LRBA: variants seen among roughly 807,000 people sequenced by gnomAD.
LRBA encodes the protein LPS responsive beige-like anchor protein.
Under a neutral mutation model 330.0 loss-of-function variants are expected in LRBA, and 176 were observed. The observed-to-expected ratio is 0.53, with a 90% CI of 0.47 to 0.60. LRBA has a LOEUF of 0.60. LRBA is among the 20% of genes least tolerant of loss of function. The pLI, the probability that LRBA is intolerant of heterozygous loss-of-function variation, is 0.00. For synonymous variants in LRBA, 1,230 were observed against 1,193.0 expected (o/e 1.03, Z -0.64); for missense variants, 3,259 against 3,444.8 (o/e 0.95, Z 1.35).
chr4:150,427,565 G>T (rs1749803853), intron 46 of LRBA, among the ~76,000 whole-genome samples: 1 of 151,888 alleles, frequency 6.6e-6, no homozygotes, highest in African/African-American at 2.4e-5. Context: ...AAGAAGAGAG[G>T]CTGGCAAAAA....
rs556319045 is a variant in LRBA, at chr4:150,479,931, T to A, written c.6551+7801A>T. ...TAGCTACTACTAACATCCTAGCTGA[T>A]GTTTGTGCATTCTATCGCAATTGCA... On this transcript the variant is annotated intron_variant, in intron 42 of 56. Coordinates refer to ENST00000651943, the MANE Select transcript of LRBA (RefSeq NM_001364905.1). Among the ~76,000 whole-genome samples the A allele has an allele frequency of 1.3e-5, 2 of 152,216 alleles. 1 individual carries two copies. The highest frequency in any genetic ancestry group is 4.1e-4 in the South Asian group (2 of 4,824).
At chr4:150,525,427 T>A (rs970506261) in intron 40 of LRBA, among the ~76,000 whole-genome samples, 3 of 152,150 alleles carry the variant, frequency 2.0e-5, no homozygotes, top group Admixed American at 2.0e-4. Context: ...AGCAAATAAT[T>A]CAGCCTCAGT....
At chr4:150,316,547 T>G (rs1731742622) in intron 50 of LRBA, among the ~76,000 whole-genome samples, 1 of 152,158 alleles carries the variant, frequency 6.6e-6, no homozygotes, top group Non-Finnish European at 1.5e-5. Flanking sequence ...TTCTGGGCCC[T>G]TTTCCAAACT....
chr4:150,595,283 C>T (rs749696614), intron 38 of LRBA, among the ~76,000 whole-genome samples: 4 of 151,748 alleles, frequency 2.6e-5, no homozygotes, highest in Non-Finnish European at 5.9e-5. Context: ...AGGTGCATCT[C>T]GTAATAATCA....
At position 150,599,112 on chromosome 4, in the gene LRBA, G is replaced by T. The variant is rs148699393; in HGVS notation, c.5941C>A (p.Arg1981Ser). 5.0e-6 allele frequency: 8 copies of T among 1,613,882 alleles called. No individual in the cohort carries two copies. Among genetic ancestry groups the T allele is most frequent in the Non-Finnish European group, 6.8e-6 (8 of 1,179,946 alleles). The change falls in exon 38 of 57, where the codon CGC becomes AGC. Residue 1981 changes from arginine to serine, a missense_variant. Physicochemically the swap from Arg to Ser is moderately radical, Grantham distance 110. Transcript: ENST00000651943. Reference protein sequence around the residue: ...SAVSRPLEFWRLDYWEDDLRR... With the variant: ...SAVSRPLEFWSLDYWEDDLRR... ...AAGTCATCTTCCCAGTAGTCAAGGC[G>T]CCAGAACTCAAGAGGACGACTACAA...
chr4:150,975,544 A>G (rs1057234006), intron 2 of LRBA, among the ~76,000 whole-genome samples: 6 of 151,726 alleles, frequency 4.0e-5, no homozygotes, highest in African/African-American at 7.2e-5. Context: ...AAAAAAAAAA[A>G]AAAGAAAGAA....
intron 33 of LRBA, among the ~76,000 whole-genome samples, chr4:150,801,401 A>T (rs1449834715): frequency 6.6e-6 from 1 of 152,222 alleles, no homozygotes; most frequent in Non-Finnish European, 1.5e-5. Context: ...CCAATCCAAC[A>T]TTTTGGAAAA....
chr4:150,442,145 A>C (rs1751923741), intron 44 of LRBA, among the ~76,000 whole-genome samples: 1 of 152,188 alleles, frequency 6.6e-6, no homozygotes, highest in South Asian at 2.1e-4. Flanking sequence ...TACAAAGCAG[A>C]GATTTGCTTG....
chr4:150,720,165 C>T (rs1728740020), intron 36 of LRBA, among the ~76,000 whole-genome samples: 1 of 151,978 alleles, frequency 6.6e-6, no homozygotes, highest in Admixed American at 6.6e-5. Context: ...AGAATATCTG[C>T]ACAGAGCATT....
chr4:150,596,147 T>C (rs1290447795), intron 38 of LRBA, among the ~76,000 whole-genome samples: 1 of 151,808 alleles, frequency 6.6e-6, no homozygotes, highest in African/African-American at 2.4e-5. Flanking sequence ...TACCTAAAGC[T>C]TTTTTCCCCA....
In LRBA at chr4:151,014,785, G is replaced by A; in HGVS notation, c.-143C>T. On this transcript the variant is annotated 5_prime_UTR_variant, in exon 2 of 57. Transcript: ENST00000651943. ...TACCCCAAAGCAGTTGATGTGGAAA[G>A]TCCTTGGCGTCGCCCTCCTCCTCTT... 1.7e-6 allele frequency: 1 copy of A among 597,694 alleles called. No homozygotes were observed. The highest frequency in any genetic ancestry group is 3.0e-6 in the Non-Finnish European group (1 of 337,520). 37.0% of individuals were successfully genotyped at this position (597,694 alleles called of 1,614,324 possible). A position where few individuals can be genotyped will look rare whatever the true frequency, so the allele number is the denominator to read the frequency against.
intron 2 of LRBA, chr4:151,014,122 GAA>G: frequency 4.4e-6 from 1 of 228,056 alleles, no homozygotes; most frequent in Non-Finnish European, 8.5e-6. Context: ...TACAAGCCAA[GAA>G]AAAAAAAATT....
At chr4:150,471,247 C>A (rs1756093999) in intron 43 of LRBA, among the ~76,000 whole-genome samples, 1 of 152,174 alleles carries the variant, frequency 6.6e-6, no homozygotes, top group African/African-American at 2.4e-5. Flanking sequence ...TGACATCTAA[C>A]ATTCCAACCA....
At chr4:150,890,767 A>G (rs1310930734) in intron 17 of LRBA, among the ~76,000 whole-genome samples, 1 of 152,236 alleles carries the variant, frequency 6.6e-6, no homozygotes, top group Non-Finnish European at 1.5e-5. Context: ...ATTCACATGT[A>G]GTGAAACTGA....
intron 37 of LRBA, among the ~76,000 whole-genome samples, chr4:150,676,742 T>C (rs1390100933): frequency 6.6e-6 from 1 of 152,182 alleles, no homozygotes; most frequent in Non-Finnish European, 1.5e-5. Flanking sequence ...CCCTTTGGAA[T>C]ACTTCTGAAA....
At chr4:150,531,657 C>A (rs192034725) in intron 40 of LRBA, among the ~76,000 whole-genome samples, 9 of 152,160 alleles carry the variant, frequency 5.9e-5, no homozygotes, top group African/African-American at 1.9e-4. Context: ...TGGATAGGCA[C>A]AATATAAATT....
chr4:150,945,279 A>G (rs1439258334), intron 2 of LRBA, among the ~76,000 whole-genome samples: 3 of 152,338 alleles, frequency 2.0e-5, no homozygotes, highest in African/African-American at 4.8e-5. Flanking sequence ...TTGCAGCACT[A>G]TTTGTGAAAC....
chr4:150,928,039 C>T (rs1734069518), intron 4 of LRBA, among the ~76,000 whole-genome samples: 2 of 152,114 alleles, frequency 1.3e-5, no homozygotes, highest in Non-Finnish European at 2.9e-5. Context: ...TTTGATAAGG[C>T]ACCTGGGGTT....
At chr4:150,417,201 T>C (rs902369479) in intron 46 of LRBA, among the ~76,000 whole-genome samples, 2 of 152,118 alleles carry the variant, frequency 1.3e-5, no homozygotes, top group African/African-American at 4.8e-5. Flanking sequence ...CCTGAATACA[T>C]ATATCTTTCA....
Sources: allele counts gnomAD v4.1 joint callset (sites outside exome capture counted in the v4.1 genomes callset), GRCh38; gene constraint gnomAD v4.1.1; transcripts MANE v1.5; gene names NCBI Gene and HGNC (gene_info 2026-07-23, HGNC 2026-07-21).